CDK6: variants seen among roughly 807,000 people sequenced by gnomAD.
CDK6 encodes the protein cyclin dependent kinase 6.
A neutral mutation model predicts 37.1 loss-of-function variants in CDK6; 6 were observed. The ratio of observed to expected loss-of-function variants is 0.16; its 90% CI spans 0.09 to 0.32. The LOEUF (loss-of-function observed/expected upper bound fraction) is 0.32. Among genes scored for constraint, CDK6 ranks in the 10% least tolerant of loss-of-function variants. The probability of loss-of-function intolerance (pLI) is 1.00; values close to 1 mark genes in which losing one functional copy is unlikely to be tolerated. For missense variants in CDK6, 224 were observed against 418.9 expected (o/e 0.53, Z 4.06); for synonymous variants, 160 against 161.3 (o/e 0.99, Z 0.06).
At chr7:92,654,242 A>T (rs182830967) in intron 5 of CDK6, among the ~76,000 whole-genome samples, 26 of 150,706 alleles carry the variant, frequency 1.7e-4, no homozygotes, top group African/African-American at 5.9e-4. Flanking sequence ...CATTCTTCTC[A>T]GTCTACTGAC....
At chr7:92,755,902 A>AAAT (rs1799306562) in intron 3 of CDK6, among the ~76,000 whole-genome samples, 7 of 152,100 alleles carry the variant, frequency 4.6e-5, no homozygotes, top group African/African-American at 1.7e-4. Flanking sequence ...ATGCATGGGT[A>AAAT]TCTCTTTCAC....
chr7:92,725,523 C>G, intron 4 of CDK6, 103 bp downstream of exon 4: 4 of 1,245,696 alleles, frequency 3.2e-6, no homozygotes, highest in Non-Finnish European at 4.4e-6. Flanking sequence ...TATCCACCAA[C>G]TAGTCATGGG....
At chr7:92,742,984 T>C (rs1471877864) in intron 3 of CDK6, among the ~76,000 whole-genome samples, 2 of 151,894 alleles carry the variant, frequency 1.3e-5, no homozygotes, top group Non-Finnish European at 2.9e-5. Flanking sequence ...TGTCTCTCTA[T>C]ATTTTTTTAA....
At chr7:92,657,355 T>C (rs984044238) in intron 5 of CDK6, among the ~76,000 whole-genome samples, 2 of 152,188 alleles carry the variant, frequency 1.3e-5, no homozygotes, top group African/African-American at 4.8e-5. Context: ...CTAGAAGGCA[T>C]CCAAAGTAAT....
At chr7:92,725,314 T>C (rs1301419223) in intron 4 of CDK6, 9 of 985,428 alleles carry the variant, frequency 9.1e-6, no homozygotes, top group Non-Finnish European at 9.6e-6. Context: ...CTAGGCATTG[T>C]ACATACAGCT....
At chr7:92,831,042 T>C (rs1801465593) in intron 2 of CDK6, among the ~76,000 whole-genome samples, 1 of 152,246 alleles carries the variant, frequency 6.6e-6, no homozygotes, top group Non-Finnish European at 1.5e-5. Flanking sequence ...GCCATCTCAT[T>C]TTATTCTCAC....
At chr7:92,768,350 C>A (rs1001756898) in intron 3 of CDK6, among the ~76,000 whole-genome samples, 3 of 152,048 alleles carry the variant, frequency 2.0e-5, no homozygotes, top group Admixed American at 6.6e-5. Context: ...AGGTTAAGGC[C>A]CATCTTACAG....
At chr7:92,809,334 A>G (rs1800814001) in intron 2 of CDK6, among the ~76,000 whole-genome samples, 1 of 152,192 alleles carries the variant, frequency 6.6e-6, no homozygotes, top group Non-Finnish European at 1.5e-5. Flanking sequence ...GAGTCTAAAA[A>G]TTGTGGCTGA....
chr7:92,729,071 A>C (rs758776550), intron 3 of CDK6, among the ~76,000 whole-genome samples: 5 of 152,180 alleles, frequency 3.3e-5, no homozygotes, highest in Admixed American at 2.0e-4. Context: ...TCCCAATTCC[A>C]GAGGATTATA....
At chr7:92,789,482 C>T (rs1039274701) in intron 2 of CDK6, among the ~76,000 whole-genome samples, 5 of 152,134 alleles carry the variant, frequency 3.3e-5, no homozygotes, top group South Asian at 4.1e-4. Context: ...AACGTATGAA[C>T]ATGTAATTTG....
In CDK6 at chr7:92,614,345, G is replaced by A. The variant is rs1795625505; in HGVS notation, c.*795C>T. 4.4e-6 allele frequency: 1 copy of A among 229,532 alleles called. No individual in the cohort carries two copies. The highest frequency in any genetic ancestry group is 8.5e-6 in the Non-Finnish European group (1 of 117,920). 14.2% of individuals were successfully genotyped at this position (229,532 alleles called of 1,614,324 possible). A position where few individuals can be genotyped will look rare whatever the true frequency, so the allele number is the denominator to read the frequency against. On this transcript the variant is annotated 3_prime_UTR_variant, in exon 8 of 8. Coordinates refer to ENST00000424848, the MANE Select transcript of CDK6 (RefSeq NM_001145306.2). ...TTACAGGCTATTTTCCAAAAGAAATGATAAAGCATGATGTCATACAGAAGG... is the reference window on the plus strand; with the variant it reads ...TTACAGGCTATTTTCCAAAAGAAATAATAAAGCATGATGTCATACAGAAGG...
At chr7:92,662,992 C>T (rs774108125) in intron 5 of CDK6, among the ~76,000 whole-genome samples, 3 of 152,044 alleles carry the variant, frequency 2.0e-5, no homozygotes, top group Non-Finnish European at 4.4e-5. Context: ...GGAACTTCTT[C>T]CTATGTGACA....
intron 4 of CDK6, among the ~76,000 whole-genome samples, chr7:92,695,342 A>G (rs1797693741): frequency 1.3e-5 from 2 of 152,124 alleles, no homozygotes; most frequent in Admixed American, 6.5e-5. Flanking sequence ...GCTCAAGGTA[A>G]TAAGTGCTTT....
chr7:92,712,442 T>C (rs959530972), intron 4 of CDK6, among the ~76,000 whole-genome samples: 12 of 152,148 alleles, frequency 7.9e-5, no homozygotes, highest in African/African-American at 2.2e-4. Context: ...CAATCGACTA[T>C]TGAAAAAATT....
At chr7:92,812,825 G>A (rs7780488) in intron 2 of CDK6, among the ~76,000 whole-genome samples, 17 of 152,114 alleles carry the variant, frequency 1.1e-4, no homozygotes, top group African/African-American at 3.4e-4. Flanking sequence ...ATGGTTTACC[G>A]TACAGACATT....
chr7:92,631,483 C>T (rs1372281648), intron 5 of CDK6, among the ~76,000 whole-genome samples: 1 of 152,184 alleles, frequency 6.6e-6, no homozygotes, highest in Non-Finnish European at 1.5e-5. Context: ...TAATAACTCA[C>T]TGCTACTGTG....
chr7:92,734,571 T>C (rs754874632), intron 3 of CDK6, among the ~76,000 whole-genome samples: 2 of 152,132 alleles, frequency 1.3e-5, no homozygotes, highest in African/African-American at 2.4e-5. Context: ...CTAATGGGTG[T>C]CAATAAATGC....
chr7:92,680,454 A>G (rs1363524502), intron 4 of CDK6, among the ~76,000 whole-genome samples: 2 of 151,158 alleles, frequency 1.3e-5, no homozygotes, highest in Non-Finnish European at 3.0e-5. Flanking sequence ...AAAAAAAAAA[A>G]AAAAAAAAGC....
At position 92,781,020 on chromosome 7, in the gene CDK6, A is replaced by G. The variant is rs555534705; in HGVS notation, c.234-6189T>C. On this transcript the variant is annotated intron_variant, in intron 2 of 7. Transcript: ENST00000424848. The stretch of plus-strand genomic sequence containing the variant: ...ATTGAATATGAACAAAATATCTCAG[A>G]TGACTTTTAAAGGAAAGGAAAATTA... Among the ~76,000 whole-genome samples the G allele has an allele frequency of 2.6e-5, 4 of 152,332 alleles. No individual in the cohort carries two copies. In the East Asian group the frequency reaches 7.7e-4, roughly 29 times the overall value.
Sources: gnomAD v4.1 joint callset for allele counts (sites outside exome capture counted in the v4.1 genomes callset) on GRCh38, gnomAD v4.1.1 for gene constraint, MANE v1.5 for transcripts, NCBI Gene and HGNC (gene_info 2026-07-23, HGNC 2026-07-21) for gene names.